Variants in PLXDC2 observed in about 807,000 individuals in gnomAD.
The protein encoded by PLXDC2 is plexin domain-containing protein 2.
Under a neutral mutation model 68.9 loss-of-function variants are expected in PLXDC2, and 40 were observed. The observed-to-expected ratio is 0.58, with a 90% CI of 0.45 to 0.76. PLXDC2 has a LOEUF of 0.76. Ranked by LOEUF, PLXDC2 falls within the 30% of genes least tolerant of loss-of-function variation. The pLI, the probability that PLXDC2 is intolerant of heterozygous loss-of-function variation, is 0.00. For missense variants in PLXDC2, 644 were observed against 661.9 expected (o/e 0.97, Z 0.30); for synonymous variants, 243 against 234.2 (o/e 1.04, Z -0.34).
intron 1 of PLXDC2, among the ~76,000 whole-genome samples, chr10:19,833,474 C>T (rs2131311175): frequency 6.6e-6 from 1 of 152,332 alleles, no homozygotes; most frequent in African/African-American, 2.4e-5. Flanking sequence ...ATGTGGAAAA[C>T]ATTATTCCAA....
intron 3 of PLXDC2, among the ~76,000 whole-genome samples, chr10:20,066,818 C>T (rs1836219648): frequency 6.6e-6 from 1 of 152,124 alleles, no homozygotes; most frequent in Admixed American, 6.6e-5. Flanking sequence ...TCTAGATATA[C>T]TTTTCTACAT....
intron 1 of PLXDC2, among the ~76,000 whole-genome samples, chr10:19,868,189 G>A (rs768139347): frequency 6.6e-6 from 1 of 152,044 alleles, no homozygotes; most frequent in African/African-American, 2.4e-5. Flanking sequence ...GTTTCACGGG[G>A]AATTTGTGTA....
At chr10:19,971,289 C>T (rs983090314) in intron 1 of PLXDC2, among the ~76,000 whole-genome samples, 12 of 152,156 alleles carry the variant, frequency 7.9e-5, no homozygotes, top group African/African-American at 2.2e-4. Context: ...CATAACATGA[C>T]GAGTGAGTTA....
chr10:19,836,324 A>G lies in PLXDC2; in HGVS notation c.112+19133A>G, dbSNP rs1287047147. On this transcript the variant is annotated intron_variant, in intron 1 of 13. Transcript: ENST00000377252. ...ATGGGGGAAGACAATCAGTAGGTGC[A>G]TAAGTGAGTTGAGAATCTATACTAG... Among the ~76,000 whole-genome samples the G allele has an allele frequency of 5.9e-5, 9 of 152,314 alleles. No homozygotes were observed. In the South Asian group the frequency reaches 1.9e-3, roughly 32 times the overall value.
intron 4 of PLXDC2, among the ~76,000 whole-genome samples, chr10:20,098,699 G>A (rs1589628365): frequency 1.3e-5 from 2 of 152,094 alleles, no homozygotes; most frequent in South Asian, 4.1e-4. Flanking sequence ...TCATATGTAG[G>A]TAGTGGCTTA....
intron 2 of PLXDC2, among the ~76,000 whole-genome samples, chr10:20,014,149 A>G (rs969545473): frequency 6.6e-6 from 1 of 152,072 alleles, no homozygotes; most frequent in African/African-American, 2.4e-5. Flanking sequence ...AAATAACATG[A>G]TTTAGTACAT....
At chr10:20,203,415 C>A (rs2131849827) in intron 9 of PLXDC2, among the ~76,000 whole-genome samples, 1 of 151,826 alleles carries the variant, frequency 6.6e-6, no homozygotes, top group Admixed American at 6.6e-5. Flanking sequence ...AGCAATCTTT[C>A]CACTTCAGCC....
intron 2 of PLXDC2, among the ~76,000 whole-genome samples, chr10:20,008,216 A>T (rs1172288654): frequency 6.6e-6 from 1 of 152,192 alleles, no homozygotes; most frequent in Non-Finnish European, 1.5e-5. Flanking sequence ...TTAACTAGAA[A>T]GTCTGTTTAA....
At chr10:20,043,356 A>G (rs1835717731) in intron 2 of PLXDC2, 2 of 152,168 alleles carry the variant, frequency 1.3e-5, no homozygotes, top group Admixed American at 6.6e-5. Context: ...CTGAAGGTGT[A>G]TTTTCACATA....
intron 1 of PLXDC2, among the ~76,000 whole-genome samples, chr10:19,874,858 T>C (rs570817060): frequency 5.9e-5 from 9 of 152,098 alleles, no homozygotes; most frequent in African/African-American, 2.2e-4. Context: ...TCAGGGAAGT[T>C]GGGGGATTTT....
At chr10:19,947,841 G>A (rs180763589) in intron 1 of PLXDC2, among the ~76,000 whole-genome samples, 111 of 151,672 alleles carry the variant, frequency 7.3e-4, no homozygotes, top group Middle Eastern at 6.9e-3. Context: ...GATAGGTTTC[G>A]TTCGTGTTTG....
At chr10:19,885,065 T>G (rs1176225528) in intron 1 of PLXDC2, among the ~76,000 whole-genome samples, 2 of 152,196 alleles carry the variant, frequency 1.3e-5, no homozygotes, top group African/African-American at 2.4e-5. Flanking sequence ...TGAGATGATA[T>G]CTCATTGTGG....
intron 1 of PLXDC2, among the ~76,000 whole-genome samples, chr10:19,996,198 T>C (rs1227399912): frequency 6.6e-6 from 1 of 152,214 alleles, no homozygotes; most frequent in Non-Finnish European, 1.5e-5. Context: ...CCCAGCACTT[T>C]GGGAGGCCAA....
chr10:20,059,910 T>G (rs10827936), intron 3 of PLXDC2, among the ~76,000 whole-genome samples: 117,805 of 152,208 alleles, frequency 0.77, 45,918 homozygotes, highest in East Asian at 0.9. Context: ...AAGGAAGTTC[T>G]CAATGCTCTT....
At chr10:19,842,849 A>C (rs1836934792) in intron 1 of PLXDC2, among the ~76,000 whole-genome samples, 1 of 152,112 alleles carries the variant, frequency 6.6e-6, no homozygotes, top group Admixed American at 6.5e-5. Context: ...TTTTTGCTCT[A>C]TAAAGCCTTC....
chr10:19,915,668 A>G (rs989653733), intron 1 of PLXDC2, among the ~76,000 whole-genome samples: 3 of 151,916 alleles, frequency 2.0e-5, no homozygotes, highest in Non-Finnish European at 4.4e-5. Context: ...CGTTTCTTCC[A>G]TCTTGAGGTC....
chr10:19,999,823 C>A (rs968789501), intron 1 of PLXDC2, among the ~76,000 whole-genome samples: 2 of 152,152 alleles, frequency 1.3e-5, no homozygotes, highest in Non-Finnish European at 2.9e-5. Flanking sequence ...TTGCCTAAAA[C>A]CGTAGGTCTC....
intron 1 of PLXDC2, among the ~76,000 whole-genome samples, chr10:19,819,482 G>C (rs994187206): frequency 1.7e-5 from 1 of 57,364 alleles, no homozygotes; most frequent in Non-Finnish European, 4.8e-5. Flanking sequence ...AATTCAGTAT[G>C]GGGGGAAAAG....
intron 13 of PLXDC2, among the ~76,000 whole-genome samples, chr10:20,259,664 C>T (rs555667033): frequency 6.6e-6 from 1 of 152,302 alleles, no homozygotes; most frequent in South Asian, 2.1e-4. Flanking sequence ...ACAAGAAAAA[C>T]ACAAAGTAAG....
Sources: gnomAD v4.1 joint callset for allele counts (sites outside exome capture counted in the v4.1 genomes callset) on GRCh38, gnomAD v4.1.1 for gene constraint, MANE v1.5 for transcripts, NCBI Gene and HGNC (gene_info 2026-07-23, HGNC 2026-07-21) for gene names.